Variants in PPM1B observed in about 807,000 individuals in gnomAD.
The protein encoded by PPM1B is protein phosphatase, Mg2+/Mn2+ dependent 1B.
A neutral mutation model predicts 43.0 loss-of-function variants in PPM1B; 22 were observed. The observed-to-expected ratio is 0.51, with a 90% CI of 0.37 to 0.73. PPM1B has a LOEUF of 0.73. Among genes scored for constraint, PPM1B ranks in the 30% least tolerant of loss-of-function variants. PPM1B has a pLI of 0.00. For missense variants in PPM1B, 632 were observed against 584.2 expected, an observed-to-expected ratio of 1.08 and a Z score of -0.84; for synonymous variants, 217 against 197.9, an observed-to-expected ratio of 1.10 and a Z score of -0.81.
At chr2:44,207,340 T>C (rs1199606721) in intron 2 of PPM1B, among the ~76,000 whole-genome samples, 1 of 152,172 alleles carries the variant, frequency 6.6e-6, no homozygotes, top group Non-Finnish European at 1.5e-5. Flanking sequence ...TTTCTTTCAC[T>C]TGAGTTGGCA....
chr2:44,198,408 G>A (rs185571256), intron 1 of PPM1B, among the ~76,000 whole-genome samples: 72 of 152,204 alleles, frequency 4.7e-4, no homozygotes, highest in African/African-American at 1.7e-3. Flanking sequence ...TGATCCGCCC[G>A]CCTCAGCCTC....
intron 5 of PPM1B, among the ~76,000 whole-genome samples, chr2:44,219,505 C>T (rs1669875899): frequency 2.6e-5 from 4 of 151,832 alleles, no homozygotes; most frequent in Non-Finnish European, 5.9e-5. Flanking sequence ...AAAAGTTATC[C>T]TGGCAAAAAG....
chr2:44,230,543 A>AAGT lies in PPM1B; in HGVS notation c.1268_1270dup (p.Val423dup). 3.1e-6 allele frequency: 5 copies of AAGT among 1,614,150 alleles called. No homozygotes were observed. The highest frequency in any genetic ancestry group is 3.4e-6 in the Non-Finnish European group (4 of 1,180,008). ...ATGCTGACTAGTTACAGGCTAGCTA[A>AAGT]AGTAGAGGGAGAAGAAAGCCCTGCT... On this transcript the variant is annotated inframe_insertion, in exon 6 of 6. Coordinates refer to ENST00000282412, the MANE Select transcript of PPM1B (RefSeq NM_002706.6).
Position 44,240,798 on chromosome 2 carries a change from C to T in PPM1B, n.1547-3430C>T, listed in dbSNP as rs889342811. ...GGGTGGCTCAGTAAAATGGAGGGAG[C>T]GCTAAGCTAAGAGAGTCCCGAGCTC... On this transcript the variant is annotated intron_variant and non_coding_transcript_variant, in intron 5 of 5. Transcript: ENST00000378540. Among the ~76,000 whole-genome samples, 11 of 143,622 alleles carry T rather than the reference C, an allele frequency of 7.7e-5. 2 individuals carry two copies. Among genetic ancestry groups the T allele is most frequent in the Non-Finnish European group, 1.5e-4 (10 of 65,188 alleles). The allele number at this position is 143,622 out of a possible 152,430, so 94.2% of individuals were successfully genotyped here.
chr2:44,232,865 AT>A, downstream of PPM1B: 1 of 972,448 alleles, frequency 1.0e-6, no homozygotes, highest in Non-Finnish European at 1.2e-6. Context: ...TTGTTATTTA[AT>A]TTTTTTCCAA....
chr2:44,227,748 G>A (rs1289270651), intron 5 of PPM1B, among the ~76,000 whole-genome samples: 1 of 151,598 alleles, frequency 6.6e-6, no homozygotes, highest in Non-Finnish European at 1.5e-5. Flanking sequence ...TCGAACTGCT[G>A]ACCTCAGGTG....
chr2:44,234,201 T>C (rs2104284961), downstream of PPM1B: 2 of 983,504 alleles, frequency 2.0e-6, no homozygotes, highest in Non-Finnish European at 2.4e-6. Context: ...TTCTGTACTC[T>C]AGAAATATTT....
chr2:44,178,242 T>C (rs1667680657), intron 1 of PPM1B, among the ~76,000 whole-genome samples: 1 of 151,906 alleles, frequency 6.6e-6, no homozygotes, highest in African/African-American at 2.4e-5. Flanking sequence ...GTCTAGTCTT[T>C]TTTGGAAGGA....
chr2:44,208,583 G>A (rs115344217), intron 2 of PPM1B, among the ~76,000 whole-genome samples: 1,789 of 152,166 alleles, frequency 0.012, 35 homozygotes, highest in African/African-American at 0.041. Flanking sequence ...CCTGGTGGCC[G>A]TCACCTGTAA....
chr2:44,226,423 C>CA (rs2104258141), intron 5 of PPM1B, among the ~76,000 whole-genome samples: 1 of 152,254 alleles, frequency 6.6e-6, no homozygotes, highest in East Asian at 1.9e-4. Flanking sequence ...CCAAATACGA[C>CA]AAATGGAACA....
At chr2:44,183,459 C>G (rs755813892) in intron 1 of PPM1B, among the ~76,000 whole-genome samples, 8 of 152,156 alleles carry the variant, frequency 5.3e-5, no homozygotes, top group African/African-American at 1.9e-4. Context: ...GAGTCAGTCT[C>G]CAGAATCAAG....
downstream of PPM1B, chr2:44,232,173 C>A: frequency 7.9e-7 from 1 of 1,271,260 alleles, no homozygotes; most frequent in Non-Finnish European, 1.1e-6. Context: ...ATATGCAATA[C>A]ACAACATCTC....
At chr2:44,194,071 T>C (rs1668538226) in intron 1 of PPM1B, among the ~76,000 whole-genome samples, 1 of 152,236 alleles carries the variant, frequency 6.6e-6, no homozygotes. Context: ...TTTTGGTTCA[T>C]GAATAGAATA....
downstream of PPM1B, chr2:44,233,222 T>A: frequency 1.1e-6 from 1 of 908,096 alleles, no homozygotes; most frequent in Non-Finnish European, 1.3e-6. Flanking sequence ...TTTAATCATT[T>A]ATGTTATTTT....
At chr2:44,205,700 T>C (rs1669159277) in intron 2 of PPM1B, among the ~76,000 whole-genome samples, 1 of 152,204 alleles carries the variant, frequency 6.6e-6, no homozygotes, top group Non-Finnish European at 1.5e-5. Context: ...ATTATAAAAG[T>C]CGGTATTCTT....
At chr2:44,232,338 C>T, downstream of PPM1B, 1 of 1,605,410 alleles carries the variant, frequency 6.2e-7, no homozygotes, top group Non-Finnish European at 8.5e-7. Flanking sequence ...CTAGAAGACC[C>T]ATGGTAGCCT....
At chr2:44,199,566 A>G (rs970831292) in intron 1 of PPM1B, among the ~76,000 whole-genome samples, 1 of 152,186 alleles carries the variant, frequency 6.6e-6, no homozygotes, top group African/African-American at 2.4e-5. Flanking sequence ...TGCCTTTCAG[A>G]TGAAATAGCC....
At chr2:44,222,497 C>T (rs980358133) in intron 5 of PPM1B, among the ~76,000 whole-genome samples, 2 of 152,062 alleles carry the variant, frequency 1.3e-5, no homozygotes, top group African/African-American at 4.8e-5. Context: ...GGTAATTTTC[C>T]AAGGGTAAAG....
chr2:44,221,725 T>C (rs1669983678), intron 5 of PPM1B, among the ~76,000 whole-genome samples: 1 of 152,188 alleles, frequency 6.6e-6, no homozygotes, highest in South Asian at 2.1e-4. Context: ...TGATTATAAG[T>C]AGTACCACTA....
Sources: gnomAD v4.1 joint callset for allele counts (sites outside exome capture counted in the v4.1 genomes callset) on GRCh38, gnomAD v4.1.1 for gene constraint, MANE v1.5 for transcripts, NCBI Gene and HGNC (gene_info 2026-07-23, HGNC 2026-07-21) for gene names.